ALPL: variants seen among roughly 807,000 people sequenced by gnomAD.
ALPL encodes the protein alkaline phosphatase, tissue-nonspecific isozyme.
ALPL carries 42 observed loss-of-function variants against 51.3 expected under a neutral mutation model. The observed-to-expected ratio is 0.82, with a 90% CI of 0.64 to 1.06. The LOEUF (loss-of-function observed/expected upper bound fraction) is 1.06. ALPL is among the 50% of genes least tolerant of loss of function. The probability of loss-of-function intolerance (pLI) is 0.00; values close to 1 mark genes in which losing one functional copy is unlikely to be tolerated. For missense variants in ALPL, 589 were observed against 709.4 expected (o/e 0.83, Z 1.93); for synonymous variants, 279 against 296.4 (o/e 0.94, Z 0.60).
intron 2 of ALPL, among the ~76,000 whole-genome samples, chr1:21,556,076 T>A (rs1644409984): frequency 6.6e-6 from 1 of 151,780 alleles, no homozygotes; most frequent in African/African-American, 2.4e-5. Flanking sequence ...CCCGGCCGAG[T>A]TTTTTGTTTT....
intron 7 of ALPL, 145 bp downstream of exon 7, chr1:21,568,392 A>T: frequency 9.2e-7 from 1 of 1,090,892 alleles, no homozygotes; most frequent in South Asian, 1.5e-5. Flanking sequence ...TAAGAGATAT[A>T]CAAGCAGTAG....
At chr1:21,566,762 G>A (rs1644570971) in intron 6 of ALPL, among the ~76,000 whole-genome samples, 2 of 151,012 alleles carry the variant, frequency 1.3e-5, no homozygotes, top group East Asian at 4.0e-4. Flanking sequence ...GCTAAGTTTC[G>A]AAACAAATTT....
rs865849095 is a variant in ALPL, at chr1:21,514,438, G to A, written c.-105+4921G>A. On this transcript the variant is annotated intron_variant, in intron 1 of 11. Coordinates refer to ENST00000374840, the MANE Select transcript of ALPL (RefSeq NM_000478.6). The stretch of plus-strand genomic sequence containing the variant: ...TAACCACTTCTCAGACAGGAAACAC[G>A]ATCTTGCACTCTGAACCCACAGCTC... Among the ~76,000 whole-genome samples the A allele has an allele frequency of 4.6e-5, 7 of 152,168 alleles. No individual in the cohort carries two copies. In the South Asian group the frequency reaches 6.2e-4, roughly 14 times the overall value.
At chr1:21,515,965 A>C (rs1643791940) in intron 1 of ALPL, among the ~76,000 whole-genome samples, 1 of 152,010 alleles carries the variant, frequency 6.6e-6, no homozygotes, top group Non-Finnish European at 1.5e-5. Flanking sequence ...TGCAGCCTTG[A>C]CTTCCTGGAC....
intron 3 of ALPL, 42 bp downstream of exon 3, chr1:21,560,787 T>C: frequency 1.2e-6 from 2 of 1,612,908 alleles, no homozygotes; most frequent in Middle Eastern, 1.7e-4. Context: ...ACAGGACACC[T>C]AGCTAGGAGC....
intron 1 of ALPL, among the ~76,000 whole-genome samples, chr1:21,528,015 TG>T (rs1184643175): frequency 2.0e-5 from 3 of 151,226 alleles, no homozygotes; most frequent in Admixed American, 6.6e-5. Context: ...TTTTTTTTTT[TG>T]TTTTTTTGTT....
intron 1 of ALPL, among the ~76,000 whole-genome samples, chr1:21,536,144 G>A (rs1644102871): frequency 6.6e-6 from 1 of 152,230 alleles, no homozygotes; most frequent in Non-Finnish European, 1.5e-5. Flanking sequence ...GTCAGAAAGT[G>A]AGGATCTGAG....
chr1:21,509,176 G>T (rs950475091), upstream of ALPL, among the ~76,000 whole-genome samples: 1 of 152,070 alleles, frequency 6.6e-6, no homozygotes, highest in Non-Finnish European at 1.5e-5. The surrounding 1 kb of genome is among the most constrained non-coding windows in gnomAD (Gnocchi z 6.0). Flanking sequence ...CAGAGAGACC[G>T]AGAGTGCGGG....
Position 21,560,623 on chromosome 1 carries a change from T to C in ALPL, c.62-3T>C, listed in dbSNP as rs1644469289. 6.2e-7 allele frequency: 1 copy of C among 1,614,010 alleles called. No homozygotes were observed. Among genetic ancestry groups the C allele is most frequent in the Non-Finnish European group, 8.5e-7 (1 of 1,179,982 alleles). On this transcript the variant is annotated splice_polypyrimidine_tract_variant and splice_region_variant and intron_variant, in intron 2 of 11. Transcript: ENST00000374840. ...CCAAGTAACTGCCTCTCTCTGTGTTTAGAGAAAGAGAAAGACCCCAAGTAC... is the reference window on the plus strand; with the variant it reads ...CCAAGTAACTGCCTCTCTCTGTGTTCAGAGAAAGAGAAAGACCCCAAGTAC...
chr1:21,513,832 C>T (rs1643739465), intron 1 of ALPL, among the ~76,000 whole-genome samples: 1 of 152,138 alleles, frequency 6.6e-6, no homozygotes, highest in African/African-American at 2.4e-5. Context: ...GGGCTATGTC[C>T]CTGCCTGGCC....
At position 21,551,828 on chromosome 1, in the gene ALPL, C is replaced by A. The variant is rs535364992; in HGVS notation, c.-104-2150C>A. ...GCAAGCTCCGCCTCCCGGGTTCACG[C>A]CATTCTCCTGCCTCAGCCTCCTGAG... On this transcript the variant is annotated intron_variant, in intron 1 of 11. Coordinates refer to ENST00000374840, the MANE Select transcript of ALPL (RefSeq NM_000478.6). Among the ~76,000 whole-genome samples the A allele has an allele frequency of 5.7e-3, 851 of 150,532 alleles. 11 individuals carry two copies. The highest frequency in any genetic ancestry group is 5.4e-3 in the Non-Finnish European group (367 of 67,684).
intron 1 of ALPL, among the ~76,000 whole-genome samples, chr1:21,524,187 A>G (rs1283630440): frequency 1.3e-5 from 2 of 152,070 alleles, no homozygotes; most frequent in East Asian, 3.9e-4. Flanking sequence ...TATTTTTAGT[A>G]GAGACGGGGT....
chr1:21,576,287 GTGGATGGA>G (rs1361258901), intron 10 of ALPL, among the ~76,000 whole-genome samples: 1 of 55,412 alleles, frequency 1.8e-5, no homozygotes, highest in Admixed American at 2.1e-4. Context: ...GGATGGATGG[GTGGATGGA>G]TGGATGGATG....
At chr1:21,567,156 A>C (rs1644577040) in intron 6 of ALPL, among the ~76,000 whole-genome samples, 1 of 152,108 alleles carries the variant, frequency 6.6e-6, no homozygotes, top group Admixed American at 6.5e-5. Context: ...GACCTATGAG[A>C]TGCAGGCCTG....
chr1:21,512,787 T>A (rs532917381), intron 1 of ALPL, among the ~76,000 whole-genome samples: 1 of 152,350 alleles, frequency 6.6e-6, no homozygotes, highest in South Asian at 2.1e-4. Context: ...CTTAAAGTTT[T>A]CCATGCTTAA....
In ALPL at chr1:21,576,669, A is replaced by G. The variant is rs753740516; in HGVS notation, c.1309+28A>G. 3 of 1,612,714 alleles carry G rather than the reference A, an allele frequency of 1.9e-6. No homozygotes were observed. The South Asian group carries it at 3.3e-5, about 18-fold the overall frequency. ...GAGACCTCCAGGACCCAGGGCTGGG[A>G]GGGGACAGGGCACCCCTCGGGGATG... On this transcript the variant is annotated intron_variant, in intron 11 of 11. Transcript: ENST00000374840.
In ALPL at chr1:21,512,650, G is replaced by A. The variant is rs150336564; in HGVS notation, c.-105+3133G>A. On this transcript the variant is annotated intron_variant, in intron 1 of 11. Coordinates refer to ENST00000374840, the MANE Select transcript of ALPL (RefSeq NM_000478.6). ...CTCTCTGAGTGTCAAGCTCATAGGA[G>A]GCCCCCAACATCAAGATATGATGCT... Among the ~76,000 whole-genome samples, 1,104 of 152,154 alleles carry A rather than the reference G, an allele frequency of 7.3e-3. 50 individuals carry two copies. Among genetic ancestry groups the A allele is most frequent in the Admixed American group, 0.066 (1,003 of 15,262 alleles).
intron 1 of ALPL, among the ~76,000 whole-genome samples, chr1:21,524,391 A>G (rs1032831840): frequency 2.0e-5 from 3 of 152,202 alleles, no homozygotes; most frequent in African/African-American, 7.2e-5. Context: ...AGACTGAGGC[A>G]GGAGGATTGC....
rs948988837 is a variant in ALPL, at chr1:21,509,745, G to A, written c.-105+228G>A. Reference sequence around the variant, plus strand: ...GGCGCGCGCTCTGGGCGGGACAGGAGATTGGACGTGGCGCCCGCGGAGCCG... The same window carrying A: ...GGCGCGCGCTCTGGGCGGGACAGGAAATTGGACGTGGCGCCCGCGGAGCCG... On this transcript the variant is annotated intron_variant, in intron 1 of 11. Coordinates refer to ENST00000374840, the MANE Select transcript of ALPL (RefSeq NM_000478.6). The surrounding 1 kb of genome is among the most constrained non-coding windows in gnomAD (Gnocchi z 6.0). Among the ~76,000 whole-genome samples the A allele has an allele frequency of 6.6e-6, 1 of 152,170 alleles. No homozygotes were observed. The highest frequency in any genetic ancestry group is 1.5e-5 in the Non-Finnish European group (1 of 68,020).
Sources: gnomAD v4.1 joint callset for allele counts (sites outside exome capture counted in the v4.1 genomes callset) on GRCh38, gnomAD v4.1.1 for gene constraint, Gnocchi (gnomAD v3.1) non-coding constraint, MANE v1.5 for transcripts, NCBI Gene and HGNC (gene_info 2026-07-23, HGNC 2026-07-21) for gene names.